SLC16A14: variants seen among roughly 807,000 people sequenced by gnomAD.
The protein encoded by SLC16A14 is solute carrier family 16 member 14.
Under a neutral mutation model 35.8 loss-of-function variants are expected in SLC16A14, and 14 were observed. The observed-to-expected ratio is 0.39, with a 90% confidence interval of 0.26 to 0.61. SLC16A14 has a LOEUF of 0.61. Ranked by LOEUF, SLC16A14 falls within the 20% of genes least tolerant of loss-of-function variation. The pLI, the probability that SLC16A14 is intolerant of heterozygous loss-of-function variation, is 0.51. For synonymous variants in SLC16A14, 248 were observed against 258.9 expected (o/e 0.96, Z 0.40); for missense variants, 533 against 655.0 (o/e 0.81, Z 2.03).
intron 2 of SLC16A14, among the ~76,000 whole-genome samples, chr2:230,050,543 A>G (rs2077651814): frequency 1.3e-5 from 2 of 152,372 alleles, no homozygotes; most frequent in South Asian, 4.1e-4. Context: ...CGGGTCCTTC[A>G]ATCAATGGTT....
In SLC16A14 at chr2:230,059,376, A is replaced by T. The variant is rs1207587848; in HGVS notation, c.-14-10T>A. On this transcript the variant is annotated splice_polypyrimidine_tract_variant and intron_variant, in intron 1 of 4. Transcript: ENST00000295190. ...ATTTTCCAAGATTTTTCTGAAATAC[A>T]TATAACAAATAATTTCATGGAACAT... The T allele has an allele frequency of 3.9e-6, 6 of 1,525,448 alleles. No individual in the cohort carries two copies. Among genetic ancestry groups the T allele is most frequent in the Non-Finnish European group, 5.3e-6 (6 of 1,133,112 alleles). The allele number at this position is 1,525,448 out of a possible 1,614,324, so 94.5% of individuals were successfully genotyped here.
chr2:230,061,256 G>T (rs1156751531), intron 1 of SLC16A14, among the ~76,000 whole-genome samples: 1 of 152,228 alleles, frequency 6.6e-6, no homozygotes, highest in Non-Finnish European at 1.5e-5. Context: ...GCTGGTCTAA[G>T]TTCCAATTAT....
Position 230,059,256 on chromosome 2 carries a change from C to A in SLC16A14, c.97G>T (p.Ala33Ser). ...KPHPNIDGGW[A>S]WMMVLSSFFV... ...AAAGAGGAGAGCACCATCATCCAAG[C>A]CCATCCGCCATCAATGTTTGGGTGG... The change falls in exon 2 of 5, where the codon GCT becomes TCT. Residue 33 changes from alanine to serine, a missense_variant. Ala to Ser is a moderately conservative substitution (Grantham distance 99). Coordinates refer to ENST00000295190, the MANE Select transcript of SLC16A14 (RefSeq NM_152527.5). The A allele has an allele frequency of 6.2e-7, 1 of 1,614,146 alleles. No individual in the cohort carries two copies. The highest frequency in any genetic ancestry group is 8.5e-7 in the Non-Finnish European group (1 of 1,180,004).
intron 4 of SLC16A14, 142 bp downstream of exon 4, chr2:230,045,603 T>A: frequency 1.1e-6 from 1 of 922,042 alleles, no homozygotes; most frequent in Non-Finnish European, 1.7e-6. Context: ...CTAAAATGTA[T>A]AAATGAGAAA....
chr2:230,037,551 AT>A lies in SLC16A14; in HGVS notation c.1382-21del. 1.9e-6 allele frequency: 3 copies of A among 1,582,602 alleles called. No individual in the cohort carries two copies. The highest frequency in any genetic ancestry group is 2.4e-5 in the South Asian group (2 of 85,008). On this transcript the variant is annotated intron_variant, in intron 4 of 4. Transcript: ENST00000295190. ...TCCACCCTACAAAACAAAAAAGAAT[AT>A]ATTCAGTGTCATGGAGTTGATACAA...
intron 4 of SLC16A14, among the ~76,000 whole-genome samples, chr2:230,044,256 C>T (rs2077582454): frequency 1.3e-5 from 2 of 148,690 alleles, no homozygotes; most frequent in South Asian, 2.1e-4. Flanking sequence ...GGAGGGATCA[C>T]AAGGTCAGGA....
chr2:230,044,738 ATGTG>A (rs1193379054), intron 4 of SLC16A14, among the ~76,000 whole-genome samples: 22 of 79,840 alleles, frequency 2.8e-4, no homozygotes, highest in African/African-American at 6.5e-4. Flanking sequence ...GTGTGTGTGT[ATGTG>A]TGTGTGTGTG....
At chr2:230,049,954 T>G in intron 2 of SLC16A14, 50 bp from the exon 3 acceptor site, 2 of 1,587,006 alleles carry the variant, frequency 1.3e-6, no homozygotes, top group Non-Finnish European at 1.7e-6. Flanking sequence ...TTCCGTTTTA[T>G]TCTTTCTCAT....
chr2:230,035,843 G>A lies in SLC16A14; in HGVS notation c.*1537C>T, dbSNP rs1350762687. ...CATTAGAGCAGGAAATAATGGAGAT[G>A]GAACAAAAAGAGAACTTGTCCATTG... is the stretch of plus-strand genomic sequence containing the variant. On this transcript the variant is annotated 3_prime_UTR_variant, in exon 5 of 5. Coordinates refer to ENST00000295190, the MANE Select transcript of SLC16A14 (RefSeq NM_152527.5). The A allele has an allele frequency of 2.0e-5, 3 of 152,196 alleles. No individual in the cohort carries two copies. The highest frequency in any genetic ancestry group is 4.8e-5 in the African/African-American group (2 of 41,416). 9.4% of individuals were successfully genotyped at this position (152,196 alleles called of 1,614,324 possible).
intron 1 of SLC16A14, among the ~76,000 whole-genome samples, chr2:230,066,265 C>G (rs1235083947): frequency 6.6e-6 from 1 of 151,664 alleles, no homozygotes; most frequent in Non-Finnish European, 1.5e-5. Flanking sequence ...GATGGTGCCA[C>G]TGCACTCTAG....
chr2:230,050,060 G>T (rs1447630618), intron 2 of SLC16A14, among the ~76,000 whole-genome samples, 156 bp from the exon 3 acceptor site: 3 of 152,202 alleles, frequency 2.0e-5, no homozygotes, highest in African/African-American at 7.2e-5. Context: ...TTTTTAGCAT[G>T]CAAAGATGAT....
chr2:230,063,067 C>T (rs2077763493), intron 1 of SLC16A14, among the ~76,000 whole-genome samples: 1 of 151,990 alleles, frequency 6.6e-6, no homozygotes, highest in Non-Finnish European at 1.5e-5. Context: ...GTGTGTGGAT[C>T]ACCTGAGGTC....
intron 2 of SLC16A14, among the ~76,000 whole-genome samples, chr2:230,057,553 GAGGCC>G (rs1465975305): frequency 4.6e-5 from 7 of 152,102 alleles, no homozygotes; most frequent in Non-Finnish European, 8.8e-5. Flanking sequence ...CAGATCTCTT[GAGGCC>G]AGGAGTTCGA....
rs2077612599 is a variant in SLC16A14 at position 230,046,785 on chromosome 2, C to T, written c.404-63G>A. 1.3e-6 allele frequency: 2 copies of T among 1,502,014 alleles called. No homozygotes were observed. The highest frequency in any genetic ancestry group is 1.4e-5 in the African/African-American group (1 of 72,130). The allele number at this position is 1,502,014 out of a possible 1,614,324, so 93.0% of individuals were successfully genotyped here. ...AACATCAGTGGCCATATCCAGAATT[C>T]GCAGCAAAGATCACCTGCATTTCCT... On this transcript the variant is annotated intron_variant, in intron 3 of 4. Coordinates refer to ENST00000295190, the MANE Select transcript of SLC16A14 (RefSeq NM_152527.5). This position sits in a 1 kb window ranked among gnomAD's most constrained non-coding sequence, Gnocchi z 5.0.
rs754868546 is a variant in SLC16A14, at chr2:230,046,366, C to A, written c.760G>T (p.Gly254Trp). The A allele has an allele frequency of 6.2e-6, 10 of 1,614,174 alleles. No homozygotes were observed. Among genetic ancestry groups the A allele is most frequent in the Middle Eastern group, 3.3e-4 (2 of 6,062 alleles). The change falls in exon 4 of 5, where the codon GGG (glycine) becomes TGG (tryptophan). Residue 254 changes from glycine (G) to tryptophan (W), a missense_variant. Coordinates refer to ENST00000295190, the MANE Select transcript of SLC16A14 (RefSeq NM_152527.5). This position sits in a 1 kb window ranked among gnomAD's most constrained non-coding sequence, Gnocchi z 5.0. ...AGGTCGCAGAGGGTCTCCTCGTTCCCGAGCCCACCATCCTTCTCTTCTGTT... is the reference window on the plus strand; with the variant it reads ...AGGTCGCAGAGGGTCTCCTCGTTCCAGAGCCCACCATCCTTCTCTTCTGTT... Reference protein sequence around the residue: ...GRTEEKDGGLGNEETLCDLQA... With the variant: ...GRTEEKDGGLWNEETLCDLQA...
chr2:230,049,631 T>G, intron 3 of SLC16A14, 130 bp downstream of exon 3: 3 of 920,896 alleles, frequency 3.3e-6, no homozygotes, highest in South Asian at 1.7e-5. Flanking sequence ...TAGGGAGGGG[T>G]TGGGGTGAAG....
chr2:230,056,376 T>A (rs2077704792), intron 2 of SLC16A14, among the ~76,000 whole-genome samples: 1 of 149,568 alleles, frequency 6.7e-6, no homozygotes, highest in Non-Finnish European at 1.5e-5. Flanking sequence ...TGCCTCAGCC[T>A]CCCGAGTAGC....
chr2:230,044,201 T>C (rs1054507236), intron 4 of SLC16A14, among the ~76,000 whole-genome samples: 1 of 151,734 alleles, frequency 6.6e-6, no homozygotes, highest in Non-Finnish European at 1.5e-5. Flanking sequence ...TGGCTGGGCA[T>C]GGTGGCTCAT....
In SLC16A14 at chr2:230,046,198, G is replaced by C; in HGVS notation, c.928C>G (p.Leu310Val). ...WYSGYFGTAS[L>V]FTNRMFVAFI... ...GCTACAAACATTCGATTTGTAAATAGAGAGGCTGTCCCAAAGTAGCCCGAA... is the reference window on the plus strand; with the variant it reads ...GCTACAAACATTCGATTTGTAAATACAGAGGCTGTCCCAAAGTAGCCCGAA... Residue 310 changes from leucine (L) to valine (V), a missense_variant, in exon 4 of 5, where the codon CTA becomes GTA. Coordinates refer to ENST00000295190, the MANE Select transcript of SLC16A14 (RefSeq NM_152527.5). The surrounding 1 kb of genome is among the most constrained non-coding windows in gnomAD (Gnocchi z 5.0). The C allele has an allele frequency of 6.2e-7, 1 of 1,614,222 alleles. No homozygotes were observed. The highest frequency in any genetic ancestry group is 8.5e-7 in the Non-Finnish European group (1 of 1,180,026).
Sources: gnomAD v4.1 joint callset for allele counts (sites outside exome capture counted in the v4.1 genomes callset) on GRCh38, gnomAD v4.1.1 for gene constraint, Gnocchi (gnomAD v3.1) non-coding constraint, MANE v1.5 for transcripts, NCBI Gene and HGNC (gene_info 2026-07-23, HGNC 2026-07-21) for gene names.